Variants in SGO2 observed in about 807,000 individuals in gnomAD.
SGO2 encodes the protein shugoshin-like 2.
A neutral mutation model predicts 99.5 loss-of-function variants in SGO2; 68 were observed. That is an observed-to-expected ratio of 0.68 (90% CI 0.56 to 0.84). SGO2 has a LOEUF of 0.84. Ranked by LOEUF, SGO2 falls within the 40% of genes least tolerant of loss-of-function variation. The probability of loss-of-function intolerance (pLI) is 0.00; values close to 1 mark genes in which losing one functional copy is unlikely to be tolerated. For synonymous variants in SGO2, 457 were observed against 487.1 expected (o/e 0.94, Z 0.81); for missense variants, 1,350 against 1,436.7 (o/e 0.94, Z 0.97).
At chr2:200,568,807 G>A (rs1006789306) in intron 5 of SGO2, among the ~76,000 whole-genome samples, 1 of 152,106 alleles carries the variant, frequency 6.6e-6, no homozygotes, top group African/African-American at 2.4e-5. Flanking sequence ...ACTTCTAGTA[G>A]TTGTTTTTTA....
chr2:200,543,656 C>G (rs1363198830), intron 5 of SGO2: 1 of 152,074 alleles, frequency 6.6e-6, no homozygotes, highest in African/African-American at 2.4e-5. Flanking sequence ...TAGTTTGTTC[C>G]ATTGACTTGC....
In SGO2 at chr2:200,571,370, G is replaced by T; in HGVS notation, c.1024G>T (p.Ala342Ser). ...LSSESAREPN[A>S]ECMNQIEDND... ...TTCTGAGTCTGCCAGAGAACCTAAT[G>T]CAGAGTGCATGAATCAAATTGAGGA... Residue 342 changes from alanine (A) to serine (S), a missense_variant, in exon 7 of 9, where the codon GCA becomes TCA. Transcript: ENST00000357799. The T allele has an allele frequency of 1.2e-6, 2 of 1,612,342 alleles. No homozygotes were observed. The highest frequency in any genetic ancestry group is 3.3e-5 in the Admixed American group (2 of 59,802).
At chr2:200,569,483 C>G (rs1283025380) in intron 5 of SGO2, among the ~76,000 whole-genome samples, 180 bp from the exon 6 acceptor site, 1 of 152,044 alleles carries the variant, frequency 6.6e-6, no homozygotes, top group East Asian at 1.9e-4. Context: ...ATGTTTCCTT[C>G]CAAGTTCTGT....
At chr2:200,528,154 A>G (rs1469763096) in intron 1 of SGO2, among the ~76,000 whole-genome samples, 1 of 152,234 alleles carries the variant, frequency 6.6e-6, no homozygotes, top group Non-Finnish European at 1.5e-5. Flanking sequence ...ATTGTATAGT[A>G]CTTTCTAGGC....
intron 5 of SGO2, among the ~76,000 whole-genome samples, chr2:200,560,996 G>A (rs1273161624): frequency 6.6e-6 from 1 of 152,094 alleles, no homozygotes; most frequent in African/African-American, 2.4e-5. Flanking sequence ...ATCTCATCTA[G>A]TCAGTAAAGT....
Position 200,553,542 on chromosome 2 carries a change from T to C in SGO2, c.473+10878T>C, listed in dbSNP as rs375094943. 5.3e-5 allele frequency among the ~76,000 whole-genome samples: 8 copies of C among 152,368 alleles called. No homozygotes were observed. The South Asian group carries it at 1.0e-3, about 20-fold the overall frequency. On this transcript the variant is annotated intron_variant, in intron 5 of 8. Coordinates refer to ENST00000357799, the MANE Select transcript of SGO2 (RefSeq NM_152524.6). ...CTAGAATCCAATAACAGGTGTATCATAGTGCTTGAAACATAATTTTCTTCT... is the reference window on the plus strand; with the variant it reads ...CTAGAATCCAATAACAGGTGTATCACAGTGCTTGAAACATAATTTTCTTCT...
chr2:200,566,089 A>T (rs2106338086), intron 5 of SGO2, among the ~76,000 whole-genome samples: 1 of 152,310 alleles, frequency 6.6e-6, no homozygotes, highest in Admixed American at 6.5e-5. Flanking sequence ...GTCATTCTCC[A>T]TTCAGCTTTG....
chr2:200,567,374 A>G (rs1393630218), intron 5 of SGO2, among the ~76,000 whole-genome samples: 2 of 152,200 alleles, frequency 1.3e-5, no homozygotes, highest in East Asian at 3.9e-4. Context: ...TCTCAATTTT[A>G]TGTTTTATAT....
At chr2:200,583,413 G>T in intron 8 of SGO2, 36 bp from the exon 9 acceptor site, 2 of 1,559,216 alleles carry the variant, frequency 1.3e-6, no homozygotes, top group South Asian at 1.3e-5. Context: ...ATTAATTTTG[G>T]GTTGTTATTA....
At chr2:200,546,659 A>C (rs180694665) in intron 5 of SGO2, among the ~76,000 whole-genome samples, 2 of 152,140 alleles carry the variant, frequency 1.3e-5, no homozygotes, top group African/African-American at 4.8e-5. Flanking sequence ...TTATCAGAGA[A>C]ATTTAACAAA....
intron 4 of SGO2, among the ~76,000 whole-genome samples, chr2:200,536,458 G>A (rs1184307533): frequency 6.6e-6 from 1 of 152,044 alleles, no homozygotes; most frequent in Non-Finnish European, 1.5e-5. Context: ...AGACTTTGGG[G>A]TTTTTGTTTT....
At chr2:200,565,100 C>A (rs1195929685) in intron 5 of SGO2, among the ~76,000 whole-genome samples, 1 of 152,194 alleles carries the variant, frequency 6.6e-6, no homozygotes. Flanking sequence ...TTGATCCTGT[C>A]ATTATGATGT....
At chr2:200,531,523 G>A (rs922433625) in intron 1 of SGO2, among the ~76,000 whole-genome samples, 10 of 152,076 alleles carry the variant, frequency 6.6e-5, no homozygotes, top group Non-Finnish European at 1.0e-4. Flanking sequence ...TCAGGGGAGA[G>A]GGTGGTTCAA....
chr2:200,536,569 C>G (rs2106307927), intron 4 of SGO2, among the ~76,000 whole-genome samples: 1 of 152,080 alleles, frequency 6.6e-6, no homozygotes, highest in African/African-American at 2.4e-5. Context: ...TCTAAATTTC[C>G]CAAATGCTTT....
At chr2:200,574,240 C>T (rs2033571147) in intron 7 of SGO2, among the ~76,000 whole-genome samples, 1 of 151,928 alleles carries the variant, frequency 6.6e-6, no homozygotes, top group African/African-American at 2.4e-5. Context: ...TAATAAAGAC[C>T]ATAGGCAAAT....
chr2:200,566,387 A>G (rs781601299), intron 5 of SGO2, among the ~76,000 whole-genome samples: 49 of 152,156 alleles, frequency 3.2e-4, no homozygotes, highest in Non-Finnish European at 5.6e-4. Flanking sequence ...AGAACAGCAA[A>G]TATTGCAGAA....
chr2:200,558,943 C>T (rs2032832204), intron 5 of SGO2, among the ~76,000 whole-genome samples: 1 of 151,992 alleles, frequency 6.6e-6, no homozygotes, highest in African/African-American at 2.4e-5. Flanking sequence ...ACTGGGATTA[C>T]AGATGCTCGC....
chr2:200,576,460 C>G (rs2033666693), intron 8 of SGO2, among the ~76,000 whole-genome samples: 1 of 152,042 alleles, frequency 6.6e-6, no homozygotes, highest in South Asian at 2.1e-4. Context: ...CCTGTAGTCC[C>G]AGCTGCTCGG....
chr2:200,579,894 T>C (rs1266148184), intron 8 of SGO2, among the ~76,000 whole-genome samples: 2 of 152,184 alleles, frequency 1.3e-5, no homozygotes, highest in Non-Finnish European at 2.9e-5. Context: ...TTGGTTCCTT[T>C]AATGAAATAA....
Sources: gnomAD v4.1 joint callset for allele counts (sites outside exome capture counted in the v4.1 genomes callset) on GRCh38, gnomAD v4.1.1 for gene constraint, MANE v1.5 for transcripts, NCBI Gene and HGNC (gene_info 2026-07-23, HGNC 2026-07-21) for gene names.